Variants in DNAH8 observed in about 807,000 individuals in gnomAD.
DNAH8 encodes the protein dynein axonemal heavy chain 8.
A neutral mutation model predicts 562.1 loss-of-function variants in DNAH8; 382 were observed. That is an observed-to-expected ratio of 0.68 (90% confidence interval 0.63 to 0.74). DNAH8 has a LOEUF of 0.74. DNAH8 is among the 30% of genes least tolerant of loss of function. The probability of loss-of-function intolerance (pLI) is 0.00; values close to 1 mark genes in which losing one functional copy is unlikely to be tolerated. For synonymous variants in DNAH8, 1,881 were observed against 1,919.4 expected, an observed-to-expected ratio of 0.98 and a Z score of 0.52; for missense variants, 5,203 against 5,620.4, an observed-to-expected ratio of 0.93 and a Z score of 2.37.
intron 30 of DNAH8, among the ~76,000 whole-genome samples, chr6:38,831,679 G>A (rs1474096482): frequency 6.6e-6 from 1 of 152,160 alleles, no homozygotes; most frequent in African/African-American, 2.4e-5. Flanking sequence ...CCTGATGCTG[G>A]TGGTGGGACT....
intron 39 of DNAH8, among the ~76,000 whole-genome samples, chr6:38,852,361 A>G (rs552568641): frequency 6.6e-6 from 1 of 151,958 alleles, no homozygotes; most frequent in South Asian, 2.1e-4. Flanking sequence ...TAGAGCTAGG[A>G]GAGATGGCAG....
At chr6:38,939,553 A>G (rs1363965540) in intron 79 of DNAH8, among the ~76,000 whole-genome samples, 1 of 152,234 alleles carries the variant, frequency 6.6e-6, no homozygotes, top group Non-Finnish European at 1.5e-5. Flanking sequence ...TAATAACCTC[A>G]GAATGGGGAT....
Position 38,780,038 on chromosome 6 carries a change from T to C in DNAH8, c.2112T>C (p.Tyr704=). 1 of 1,614,086 alleles carries C rather than the reference T, an allele frequency of 6.2e-7. No individual in the cohort carries two copies. Among genetic ancestry groups the C allele is most frequent in the Non-Finnish European group, 8.5e-7 (1 of 1,179,976 alleles). The change falls in exon 15 of 93, where the codon TAT becomes TAC. Residue 704 remains tyrosine (Y), a synonymous_variant. Transcript: ENST00000327475. Reference sequence around the variant, plus strand: ...CAATAGAGCGTATTCTTCAGTACTATGTGGCTGAACTTGATGCTACTAAGA... The same window carrying C: ...CAATAGAGCGTATTCTTCAGTACTACGTGGCTGAACTTGATGCTACTAAGA... ...NHTIERILQY[Y]VAELDATKKL... is the part of the protein sequence containing the mutation.
chr6:38,809,775 C>G (rs960525747), intron 24 of DNAH8, among the ~76,000 whole-genome samples: 4 of 152,134 alleles, frequency 2.6e-5, no homozygotes, highest in Admixed American at 1.3e-4. Flanking sequence ...ATTTATTAAA[C>G]TTTCCTTTTG....
chr6:38,930,985 A>G (rs1782512510), intron 75 of DNAH8, among the ~76,000 whole-genome samples: 1 of 152,098 alleles, frequency 6.6e-6, no homozygotes, highest in African/African-American at 2.4e-5. Context: ...TAGATTTCAC[A>G]TGTGAGATCA....
chr6:38,876,883 G>A lies in DNAH8; in HGVS notation c.7858+1055G>A, dbSNP rs964870565. 2.0e-5 allele frequency among the ~76,000 whole-genome samples: 3 copies of A among 152,306 alleles called. No individual in the cohort carries two copies. The South Asian group carries it at 6.2e-4, about 32-fold the overall frequency. ...AAAACTGGGGATTAAGTGGAAATTT[G>A]TGTTTGAAAGGGACTGAGATAAATA... is the stretch of plus-strand genomic sequence containing the variant. On this transcript the variant is annotated intron_variant, in intron 53 of 92. Coordinates refer to ENST00000327475, the MANE Select transcript of DNAH8 (RefSeq NM_001206927.2).
chr6:39,013,233 A>G (rs1440596711), intron 91 of DNAH8, among the ~76,000 whole-genome samples: 2 of 152,206 alleles, frequency 1.3e-5, no homozygotes, highest in African/African-American at 4.8e-5. Flanking sequence ...AACATGACAC[A>G]TTTTGTCTTA....
intron 80 of DNAH8, among the ~76,000 whole-genome samples, chr6:38,948,757 G>A (rs570969496): frequency 4.2e-4 from 64 of 152,344 alleles, no homozygotes; most frequent in Non-Finnish European, 7.5e-4. Context: ...TTGGGCGTCA[G>A]TGAGCACCTT....
intron 68 of DNAH8, among the ~76,000 whole-genome samples, chr6:38,915,811 C>T (rs959558439): frequency 2.0e-5 from 3 of 151,952 alleles, no homozygotes; most frequent in Admixed American, 6.6e-5. Context: ...GGCAGGCAGA[C>T]CTGCATTCAA....
At position 38,900,046 on chromosome 6, in the gene DNAH8, C is replaced by T. The variant is rs576501081; in HGVS notation, c.9194+140C>T. ...AGTATTATATATATAAGGATATTTA[C>T]GCAAGTGTCACAAAGTAAATACATC... On this transcript the variant is annotated intron_variant, in intron 62 of 92. Transcript: ENST00000327475. The T allele has an allele frequency of 6.1e-5, 42 of 694,026 alleles. No individual in the cohort carries two copies. The East Asian group carries it at 1.0e-3, about 17-fold the overall frequency. The allele number at this position is 694,026 out of a possible 1,614,324, so 43.0% of individuals were successfully genotyped here. A position where few individuals can be genotyped will look rare whatever the true frequency, so the allele number is the denominator to read the frequency against.
At chr6:38,770,289 T>TAAAAAA in intron 11 of DNAH8, 124 bp from the exon 12 acceptor site, 1 of 481,516 alleles carries the variant, frequency 2.1e-6, no homozygotes, top group East Asian at 3.6e-5. Context: ...ATGGTATAAA[T>TAAAAAA]AAAAAAAAAC....
Position 38,823,454 on chromosome 6 carries a change from T to C in DNAH8, c.3721-108T>C, listed in dbSNP as rs111921343. 3 of 806,846 alleles carry C rather than the reference T, an allele frequency of 3.7e-6. No homozygotes were observed. In the Admixed American group the frequency reaches 6.5e-5, roughly 18 times the overall value. 50.0% of individuals were successfully genotyped at this position (806,846 alleles called of 1,614,324 possible). ...ATTTCTTACCCAGCCACTGGCCCCA[T>C]TGCACACACAAGTGTAAATGTGTAT... On this transcript the variant is annotated intron_variant, in intron 27 of 92. Coordinates refer to ENST00000327475, the MANE Select transcript of DNAH8 (RefSeq NM_001206927.2).
intron 6 of DNAH8, 62 bp downstream of exon 6, chr6:38,737,318 C>A: frequency 9.8e-7 from 1 of 1,022,522 alleles, no homozygotes; most frequent in Non-Finnish European, 1.3e-6. Context: ...TAAGATATTT[C>A]ATAAACAGAG....
intron 52 of DNAH8, 110 bp from the exon 53 acceptor site, chr6:38,875,481 A>G (rs1777922214): frequency 1.5e-6 from 1 of 650,416 alleles, no homozygotes; most frequent in East Asian, 2.9e-5. Context: ...AGCTTGAGAT[A>G]TATCTATTTT....
chr6:38,977,607 C>T (rs1763759239), intron 85 of DNAH8, among the ~76,000 whole-genome samples: 1 of 152,134 alleles, frequency 6.6e-6, no homozygotes, highest in South Asian at 2.1e-4. Context: ...AGTGTAGCAT[C>T]GTTCTGGGCT....
At position 38,796,814 on chromosome 6, in the gene DNAH8, G is replaced by T. The variant is rs1022552326; in HGVS notation, c.2901+5140G>T. ...CGGTTTTTGGAGACATGAGCCCGCC[G>T]ATGCTCCCAGTTGAATAAAGCCCTT... is the stretch of plus-strand genomic sequence containing the variant. On this transcript the variant is annotated intron_variant, in intron 21 of 92. Transcript: ENST00000327475. Among the ~76,000 whole-genome samples, 5 of 151,948 alleles carry T rather than the reference G, an allele frequency of 3.3e-5. No homozygotes were observed. In the South Asian group the frequency reaches 8.3e-4, roughly 25 times the overall value.
At chr6:38,729,315 T>C (rs1763479166) in intron 3 of DNAH8, among the ~76,000 whole-genome samples, 1 of 152,236 alleles carries the variant, frequency 6.6e-6, no homozygotes, top group Non-Finnish European at 1.5e-5. Context: ...TGACTTTGTA[T>C]TTCCCATAGG....
intron 53 of DNAH8, among the ~76,000 whole-genome samples, chr6:38,880,068 C>T (rs1778348769): frequency 6.6e-6 from 1 of 151,970 alleles, no homozygotes; most frequent in African/African-American, 2.4e-5. Context: ...CATGGTGAAA[C>T]CCCGTATCTA....
At chr6:38,982,219 T>C (rs1764081706) in intron 85 of DNAH8, 127 bp from the exon 86 acceptor site, 1 of 632,800 alleles carries the variant, frequency 1.6e-6, no homozygotes, top group Non-Finnish European at 2.9e-6. Flanking sequence ...TCCAAAATTG[T>C]ATATACTATT....
Sources: gnomAD v4.1 joint callset for allele counts (sites outside exome capture counted in the v4.1 genomes callset) on GRCh38, gnomAD v4.1.1 for gene constraint, MANE v1.5 for transcripts, NCBI Gene and HGNC (gene_info 2026-07-23, HGNC 2026-07-21) for gene names.